Variants in CAB39 observed in about 807,000 individuals in gnomAD.
CAB39 encodes calcium-binding protein 39.
CAB39 carries 8 observed loss-of-function variants against 40.0 expected under a neutral mutation model. The ratio of observed to expected loss-of-function variants is 0.20; its 90% confidence interval spans 0.12 to 0.36. The LOEUF (loss-of-function observed/expected upper bound fraction) is 0.36. Ranked by LOEUF, CAB39 falls within the 10% of genes least tolerant of loss-of-function variation. The probability of loss-of-function intolerance (pLI) is 1.00; values close to 1 mark genes in which losing one functional copy is unlikely to be tolerated. For missense variants in CAB39, 270 were observed against 401.1 expected (o/e 0.67, Z 2.79); for synonymous variants, 156 against 141.6 (o/e 1.10, Z -0.72).
At chr2:230,756,882 G>C (rs1695202402) in intron 1 of CAB39, among the ~76,000 whole-genome samples, 3 of 151,998 alleles carry the variant, frequency 2.0e-5, no homozygotes, top group African/African-American at 7.3e-5. Context: ...TAGTAGAGAT[G>C]GGGTTTCACC....
At chr2:230,778,754 G>C (rs1257380308) in intron 2 of CAB39, among the ~76,000 whole-genome samples, 1 of 152,144 alleles carries the variant, frequency 6.6e-6, no homozygotes, top group East Asian at 1.9e-4. Flanking sequence ...TCCAAAAAAT[G>C]CATCATTAGG....
At chr2:230,743,641 G>C (rs1694921991) in intron 1 of CAB39, among the ~76,000 whole-genome samples, 1 of 152,140 alleles carries the variant, frequency 6.6e-6, no homozygotes, top group Non-Finnish European at 1.5e-5. Context: ...TTTAGAACTT[G>C]ATATTCAGTC....
At chr2:230,737,294 GCTA>G (rs1237129835) in intron 1 of CAB39, among the ~76,000 whole-genome samples, 10 of 152,154 alleles carry the variant, frequency 6.6e-5, no homozygotes, top group African/African-American at 2.4e-4. Flanking sequence ...CAGAATCATG[GCTA>G]CTGTCATTTT....
At chr2:230,714,543 C>T (rs1452491788) in intron 1 of CAB39, among the ~76,000 whole-genome samples, 3 of 152,196 alleles carry the variant, frequency 2.0e-5, no homozygotes, top group Non-Finnish European at 4.4e-5. Context: ...TGCATAAAAA[C>T]TTCTTGCACT....
chr2:230,725,140 G>A (rs1413576182), intron 1 of CAB39: 7 of 1,613,116 alleles, frequency 4.3e-6, no homozygotes, highest in Non-Finnish European at 5.9e-6. Flanking sequence ...TTCCCAGAGA[G>A]CATCACAAGA....
At chr2:230,736,149 G>C (rs1269297207) in intron 1 of CAB39, among the ~76,000 whole-genome samples, 1 of 152,158 alleles carries the variant, frequency 6.6e-6, no homozygotes, top group East Asian at 1.9e-4. Context: ...CATTTTCTCT[G>C]TTTGACTTAA....
chr2:230,782,432 A>G (rs1292763400), intron 2 of CAB39, among the ~76,000 whole-genome samples: 7 of 152,176 alleles, frequency 4.6e-5, no homozygotes, highest in Admixed American at 3.9e-4. Context: ...GAGTACCAAC[A>G]TAATGATCAT....
intron 1 of CAB39, among the ~76,000 whole-genome samples, chr2:230,750,942 AATTAAC>A (rs1575920192): frequency 6.6e-6 from 1 of 152,230 alleles, no homozygotes; most frequent in Non-Finnish European, 1.5e-5. Flanking sequence ...AAACCCGTGT[AATTAAC>A]TATTGTGCTT....
intron 8 of CAB39, 96 bp downstream of exon 8, chr2:230,817,993 C>A: frequency 9.2e-7 from 1 of 1,092,388 alleles, no homozygotes; most frequent in Non-Finnish European, 1.3e-6. Flanking sequence ...CTCTGGTAAT[C>A]CAGGTGACTT....
chr2:230,812,717 G>A (rs777706728), intron 6 of CAB39, among the ~76,000 whole-genome samples: 2 of 152,196 alleles, frequency 1.3e-5, no homozygotes, highest in African/African-American at 4.8e-5. Flanking sequence ...CTGCCAAGAG[G>A]CAGGCAGAAG....
At chr2:230,810,854 C>G (rs1696291472) in intron 6 of CAB39, among the ~76,000 whole-genome samples, 1 of 152,182 alleles carries the variant, frequency 6.6e-6, no homozygotes, top group Non-Finnish European at 1.5e-5. Context: ...TCGGTAAGGT[C>G]CCTTCCAGCA....
At chr2:230,814,136 A>G in intron 7 of CAB39, 22 bp downstream of exon 7, 1 of 1,218,708 alleles carries the variant, frequency 8.2e-7, no homozygotes, top group Non-Finnish European at 1.2e-6. Context: ...CATTTTGTAT[A>G]GCTTATTTCT....
chr2:230,755,781 C>T (rs1322493362), intron 1 of CAB39, among the ~76,000 whole-genome samples: 1 of 152,090 alleles, frequency 6.6e-6, no homozygotes, highest in East Asian at 1.9e-4. Context: ...TTAAATTCCT[C>T]CAAATATGTA....
intron 1 of CAB39, among the ~76,000 whole-genome samples, chr2:230,754,370 TCTGC>T (rs1695146341): frequency 2.0e-5 from 3 of 147,026 alleles, no homozygotes; most frequent in African/African-American, 7.8e-5. Flanking sequence ...TCCGTCCCCT[TCTGC>T]CTTCCTCTTC....
chr2:230,818,737 C>G lies in CAB39; in HGVS notation c.*33C>G, dbSNP rs1696449713. On this transcript the variant is annotated 3_prime_UTR_variant, in exon 9 of 9. Transcript: ENST00000258418. ...TAAACATCTATGTTAAATCCAAATTCAGCATTTGCTGTTAGCTATTCAGCA... is the reference window on the plus strand; with the variant it reads ...TAAACATCTATGTTAAATCCAAATTGAGCATTTGCTGTTAGCTATTCAGCA... 2 of 1,555,048 alleles carry G rather than the reference C, an allele frequency of 1.3e-6. No homozygotes were observed. The highest frequency in any genetic ancestry group is 2.7e-5 in the African/African-American group (2 of 73,688).
At chr2:230,790,643 G>T (rs1454129225) in intron 2 of CAB39, among the ~76,000 whole-genome samples, 1 of 152,160 alleles carries the variant, frequency 6.6e-6, no homozygotes, top group African/African-American at 2.4e-5. Context: ...GGGTGTCTGT[G>T]TTGTGCACAT....
chr2:230,749,805 C>T (rs2124904523), intron 1 of CAB39, among the ~76,000 whole-genome samples: 1 of 152,298 alleles, frequency 6.6e-6, no homozygotes, highest in Admixed American at 6.5e-5. Context: ...TATGAGGATA[C>T]ACTCGTAGAA....
At chr2:230,767,023 A>G (rs1255895173) in intron 2 of CAB39, among the ~76,000 whole-genome samples, 1 of 152,258 alleles carries the variant, frequency 6.6e-6, no homozygotes, top group Non-Finnish European at 1.5e-5. Flanking sequence ...GATGTTGTTC[A>G]GAGGTACAAG....
chr2:230,788,520 T>C (rs1695835054), intron 2 of CAB39, among the ~76,000 whole-genome samples: 1 of 152,236 alleles, frequency 6.6e-6, no homozygotes, highest in African/African-American at 2.4e-5. Context: ...TCATTGCTTT[T>C]CATTTCTTTG....
Sources: allele counts gnomAD v4.1 joint callset (sites outside exome capture counted in the v4.1 genomes callset), GRCh38; gene constraint gnomAD v4.1.1; transcripts MANE v1.5; gene names NCBI Gene and HGNC (gene_info 2026-07-23, HGNC 2026-07-21).